CACNA1B: variants seen among roughly 807,000 people sequenced by gnomAD.
The protein encoded by CACNA1B is calcium voltage-gated channel subunit alpha1 B, also known as voltage-dependent N-type calcium channel subunit alpha-1B.
CACNA1B carries 70 observed loss-of-function variants against 247.2 expected under a neutral mutation model. The ratio of observed to expected loss-of-function variants is 0.28; its 90% CI spans 0.23 to 0.35. The LOEUF is 0.35. Among genes scored for constraint, CACNA1B ranks in the 10% least tolerant of loss-of-function variants. CACNA1B has a pLI of 1.00. For synonymous variants in CACNA1B, 1,231 were observed against 1,294.4 expected (o/e 0.95, Z 1.05); for missense variants, 2,367 against 3,197.4 (o/e 0.74, Z 6.26).
intron 39 of CACNA1B, among the ~76,000 whole-genome samples, chr9:138,111,773 C>T (rs944818534): frequency 1.3e-5 from 2 of 151,506 alleles, no homozygotes; most frequent in Admixed American, 6.6e-5. Context: ...CCTGGCCCTT[C>T]GGGTGACACA....
At chr9:138,114,566 C>T (rs1030834078) in intron 41 of CACNA1B, 76 bp downstream of exon 41, 40 of 692,756 alleles carry the variant, frequency 5.8e-5, no homozygotes, top group East Asian at 2.2e-4. Context: ...GGGTTGACGA[C>T]GGGGGAGATG....
chr9:137,962,284 G>A (rs1276770314), intron 10 of CACNA1B, among the ~76,000 whole-genome samples: 3 of 144,460 alleles, frequency 2.1e-5, no homozygotes, highest in Non-Finnish European at 4.5e-5. Context: ...TTTTTTTTTA[G>A]TCTAGCTAGT....
In CACNA1B at chr9:138,011,951, G is replaced by A. The variant is rs550830701; in HGVS notation, c.2161-1178G>A. 1.3e-3 allele frequency among the ~76,000 whole-genome samples: 195 copies of A among 152,296 alleles called. 2 individuals are homozygous for A. Among genetic ancestry groups the A allele is most frequent in the African/African-American group, 4.4e-3 (184 of 41,574 alleles). On this transcript the variant is annotated intron_variant, in intron 17 of 46. Coordinates refer to ENST00000371372, the MANE Select transcript of CACNA1B (RefSeq NM_000718.4). This position sits in a 1 kb window ranked among gnomAD's most constrained non-coding sequence, Gnocchi z 4.2. The stretch of plus-strand genomic sequence containing the variant: ...AGTCCAGATGGACAACGTGGAAGTC[G>A]TAGCTTCCATTCTGAGGCCTGTGGT...
At position 138,052,207 on chromosome 9, in the gene CACNA1B, G is replaced by C; in HGVS notation, c.3807+19G>C. On this transcript the variant is annotated intron_variant, in intron 25 of 46. Transcript: ENST00000371372. The surrounding 1 kb of genome is among the most constrained non-coding windows in gnomAD (Gnocchi z 5.1). ...GCTCAAGGTTAGAGCCTGGAGTTGG[G>C]GCTTGAGGGATGTGCTGTGTGTGTG... The C allele has an allele frequency of 6.8e-7, 1 of 1,467,142 alleles. No homozygotes were observed. 90.9% of individuals were successfully genotyped at this position (1,467,142 alleles called of 1,614,324 possible). A position where few individuals can be genotyped will look rare whatever the true frequency, so the allele number is the denominator to read the frequency against.
At chr9:137,906,047 C>T (rs750746188) in intron 3 of CACNA1B, among the ~76,000 whole-genome samples, 2 of 152,212 alleles carry the variant, frequency 1.3e-5, no homozygotes, top group African/African-American at 2.4e-5. Flanking sequence ...GCCCAGTGGG[C>T]TGCAGTTAGG....
At chr9:138,080,079 C>T (rs139720247) in intron 36 of CACNA1B, among the ~76,000 whole-genome samples, 1 of 152,262 alleles carries the variant, frequency 6.6e-6, no homozygotes, top group Non-Finnish European at 1.5e-5. Context: ...AAGCCTGTGG[C>T]CCTGACTCCA....
intron 20 of CACNA1B, among the ~76,000 whole-genome samples, chr9:138,034,245 A>G (rs1292174038): frequency 1.3e-5 from 2 of 152,122 alleles, no homozygotes; most frequent in Non-Finnish European, 2.9e-5. Flanking sequence ...CTGCTGGGTG[A>G]GACGTGACGT....
At chr9:138,101,652 A>G (rs1961256620) in intron 37 of CACNA1B, among the ~76,000 whole-genome samples, 1 of 152,194 alleles carries the variant, frequency 6.6e-6, no homozygotes, top group African/African-American at 2.4e-5. Flanking sequence ...TGGGGGAGGA[A>G]AGGGCAGAGG....
At chr9:138,091,224 G>A (rs1289309319) in intron 36 of CACNA1B, among the ~76,000 whole-genome samples, 1 of 152,176 alleles carries the variant, frequency 6.6e-6, no homozygotes, top group Non-Finnish European at 1.5e-5. Flanking sequence ...ATGAAATTCT[G>A]CCGCTTGTGG....
intron 16 of CACNA1B, among the ~76,000 whole-genome samples, chr9:138,008,673 G>T (rs576721157): frequency 1.3e-5 from 2 of 152,388 alleles, no homozygotes; most frequent in East Asian, 3.9e-4. Context: ...CACAGGGAGA[G>T]TGGCTGTAGC....
chr9:137,946,990 A>G (rs1957804702), intron 6 of CACNA1B, among the ~76,000 whole-genome samples: 1 of 152,270 alleles, frequency 6.6e-6, no homozygotes, highest in South Asian at 2.1e-4. Context: ...GCACAGACTT[A>G]TTGAAACTAT....
chr9:138,048,227 G>C (rs1959199446), intron 23 of CACNA1B, among the ~76,000 whole-genome samples: 1 of 152,204 alleles, frequency 6.6e-6, no homozygotes, highest in Admixed American at 6.5e-5. Flanking sequence ...GCGAGGTTAT[G>C]TTACCGGCCT....
In CACNA1B at chr9:138,058,151, T is replaced by G. The variant is rs768531526; in HGVS notation, c.4209T>G (p.Phe1403Leu). The change falls in exon 28 of 47, where the codon TTT becomes TTG. Residue 1403 changes from phenylalanine to leucine, a missense_variant. This residue lies in a region of CACNA1B where 436 missense variants were observed against 679.5 expected (regional missense o/e 0.64). Transcript: ENST00000371372. This position sits in a 1 kb window ranked among gnomAD's most constrained non-coding sequence, Gnocchi z 4.7. ...TCTACGTGGTCTACTTTGTGGTCTT[T>G]CCCTTCTTCTTCGTCAACATCTTTG... is the stretch of plus-strand genomic sequence containing the variant. ...SIFYVVYFVV[F>L]PFFFVNIFVA... is the part of the protein sequence containing the mutation. 8.1e-6 allele frequency: 13 copies of G among 1,613,832 alleles called. No homozygotes were observed.
intron 36 of CACNA1B, among the ~76,000 whole-genome samples, chr9:138,088,959 CAAAAAAAAAAAAAAAAAAAAAAA>C (rs56112600): frequency 1.6e-5 from 1 of 61,396 alleles, no homozygotes; most frequent in South Asian, 7.7e-4. Flanking sequence ...AACTCCGTCT[CAAAAAAAAAAAAAAAAAAAAAAA>C]AAAAAAAAAA....
chr9:138,076,029 A>T (rs1960306346), intron 35 of CACNA1B, 119 bp downstream of exon 35: 1 of 683,500 alleles, frequency 1.5e-6, no homozygotes. Context: ...CCCCGACCCC[A>T]CTGGCTTCCC....
At chr9:138,046,216 A>G (rs1959184716) in intron 21 of CACNA1B, among the ~76,000 whole-genome samples, 1 of 152,208 alleles carries the variant, frequency 6.6e-6, no homozygotes, top group Non-Finnish European at 1.5e-5. Context: ...CCCAGTGTCC[A>G]GCACATGCCT....
chr9:138,001,006 G>GTTTT (rs978424425), intron 15 of CACNA1B, among the ~76,000 whole-genome samples: 2 of 151,632 alleles, frequency 1.3e-5, no homozygotes, highest in Non-Finnish European at 2.9e-5. Context: ...TTATTTTGGT[G>GTTTT]TTTTTTTATC....
At chr9:137,946,078 C>T (rs908348592) in intron 6 of CACNA1B, among the ~76,000 whole-genome samples, 2 of 152,120 alleles carry the variant, frequency 1.3e-5, no homozygotes, top group African/African-American at 4.8e-5. Context: ...CCTTGGCCTC[C>T]CAGAGTGCTA....
At chr9:137,987,651 G>A (rs1958382452) in intron 15 of CACNA1B, among the ~76,000 whole-genome samples, 1 of 152,186 alleles carries the variant, frequency 6.6e-6, no homozygotes. Context: ...CCTTGGTCAG[G>A]GCTGGAGCCT....
Sources: allele counts gnomAD v4.1 joint callset (sites outside exome capture counted in the v4.1 genomes callset), GRCh38; gene constraint gnomAD v4.1.1; regional missense constraint gnomAD v4.1.1; non-coding constraint Gnocchi (gnomAD v3.1); transcripts MANE v1.5; gene names NCBI Gene and HGNC (gene_info 2026-07-23, HGNC 2026-07-21).